The following JAKMIP3 variants were observed in gnomAD, a reference collection of about 807,000 sequenced individuals.
JAKMIP3 encodes the protein janus kinase and microtubule-interacting protein 3.
A neutral mutation model predicts 118.5 loss-of-function variants in JAKMIP3; 58 were observed. The ratio of observed to expected loss-of-function variants is 0.49; its 90% CI spans 0.40 to 0.61. JAKMIP3 has a LOEUF of 0.61. JAKMIP3 is among the 20% of genes least tolerant of loss of function. JAKMIP3 has a pLI of 0.00. For synonymous variants in JAKMIP3, 486 were observed against 451.2 expected (o/e 1.08, Z -0.98); for missense variants, 950 against 1,109.0 (o/e 0.86, Z 2.04).
intron 2 of JAKMIP3, among the ~76,000 whole-genome samples, chr10:132,107,049 ATT>A (rs34703494): frequency 0.13 from 16,460 of 131,578 alleles, 1,068 homozygotes; most frequent in Admixed American, 0.24. Context: ...ATGTCCGGCT[ATT>A]TTTTTTTTTT....
In JAKMIP3 at chr10:132,174,727, C is replaced by T. The variant is rs141701185; in HGVS notation, c.*1103+5694C>T. ...CTGTTCCATTTTGCATTTCCACCGG[C>T]GCTGGGAGGATTTCCGTTGCCCCAC... On this transcript the variant is annotated intron_variant, in intron 23 of 23. Coordinates refer to ENST00000684848, the MANE Select transcript of JAKMIP3 (RefSeq NM_001323087.2). Among the ~76,000 whole-genome samples, 900 of 152,204 alleles carry T rather than the reference C, an allele frequency of 5.9e-3. 6 individuals are homozygous for T. The highest frequency in any genetic ancestry group is 7.8e-3 in the Non-Finnish European group (531 of 68,018).
At chr10:132,120,203 A>G (rs1316126355) in intron 3 of JAKMIP3, among the ~76,000 whole-genome samples, 1 of 152,146 alleles carries the variant, frequency 6.6e-6, no homozygotes, top group Non-Finnish European at 1.5e-5. Flanking sequence ...CATCTCCTTT[A>G]TTTACTGTTT....
Position 132,180,762 on chromosome 10 carries a change from T to TGC in JAKMIP3, c.*1104-1594_*1104-1593insCG, listed in dbSNP as rs1452378177. 3.9e-3 allele frequency among the ~76,000 whole-genome samples: 87 copies of TGC among 22,136 alleles called. 17 individuals are homozygous for TGC. Among genetic ancestry groups the TGC allele is most frequent in the African/African-American group, 0.011 (80 of 7,044 alleles). 14.5% of individuals were successfully genotyped at this position (22,136 alleles called of 152,430 possible). A position where few individuals can be genotyped will look rare whatever the true frequency, so the allele number is the denominator to read the frequency against. On this transcript the variant is annotated intron_variant, in intron 23 of 23. Transcript: ENST00000684848. ...GCGTGCGTGCGCGCGCGTGTGTGCG[T>TGC]GTGTGTGCGTGTGTGTGTGTGCGCG...
Position 132,118,693 on chromosome 10 carries a change from C to T in JAKMIP3, c.633+1119C>T, listed in dbSNP as rs1199307650. On this transcript the variant is annotated intron_variant, in intron 3 of 23. Transcript: ENST00000684848. The surrounding 1 kb of genome is among the most constrained non-coding windows in gnomAD (Gnocchi z 4.8). ...TGGGTGCCCCCAAACGTGCCTAACCCGGGTGATTCCCTTCCTTTCCAAAGT... is the reference window on the plus strand; with the variant it reads ...TGGGTGCCCCCAAACGTGCCTAACCTGGGTGATTCCCTTCCTTTCCAAAGT... 6.6e-6 allele frequency among the ~76,000 whole-genome samples: 1 copy of T among 152,218 alleles called. No homozygotes were observed. The highest frequency in any genetic ancestry group is 1.5e-5 in the Non-Finnish European group (1 of 68,046).
At chr10:132,064,652 C>T (rs567873754), upstream of JAKMIP3, among the ~76,000 whole-genome samples, 1 of 152,292 alleles carries the variant, frequency 6.6e-6, no homozygotes, top group South Asian at 2.1e-4. This position sits in a 1 kb window ranked among gnomAD's most constrained non-coding sequence, Gnocchi z 4.4. Context: ...CTCCGTCACA[C>T]GAGTCAGGAC....
intron 23 of JAKMIP3, chr10:132,181,653 G>A (rs1008726620): frequency 5.3e-5 from 8 of 152,236 alleles, no homozygotes; most frequent in African/African-American, 1.9e-4. Context: ...ACATGTATGT[G>A]TCATTTGACT....
chr10:132,052,311 C>A (rs981930393), intron 1 of JAKMIP3, among the ~76,000 whole-genome samples: 1 of 152,196 alleles, frequency 6.6e-6, no homozygotes, highest in East Asian at 1.9e-4. Flanking sequence ...TAAATGTCTT[C>A]GTTTGACCTT....
chr10:132,152,604 CAG>C (rs1300101011), intron 16 of JAKMIP3, among the ~76,000 whole-genome samples: 1 of 152,190 alleles, frequency 6.6e-6, no homozygotes. Flanking sequence ...GCTTTAAACA[CAG>C]AAGGGGACAG....
At chr10:132,039,825 C>CA (rs1171728306) in intron 1 of JAKMIP3, among the ~76,000 whole-genome samples, 1 of 152,270 alleles carries the variant, frequency 6.6e-6, no homozygotes, top group Non-Finnish European at 1.5e-5. Flanking sequence ...GGGTTGCCCC[C>CA]ACCTCCACGC....
At chr10:132,167,815 CCCCTCGG>C (rs1215556021) in intron 22 of JAKMIP3, 131 bp from the exon 23 acceptor site, 9 of 355,070 alleles carry the variant, frequency 2.5e-5, no homozygotes, top group Non-Finnish European at 4.1e-5. Context: ...TCACCCCTCA[CCCCTCGG>C]CCCTCACCCC....
chr10:132,170,773 G>A (rs2136814673), intron 23 of JAKMIP3, among the ~76,000 whole-genome samples: 1 of 152,326 alleles, frequency 6.6e-6, no homozygotes, highest in South Asian at 2.1e-4. Context: ...GGTGGGCGCC[G>A]CTCCGCTCGG....
intron 19 of JAKMIP3, among the ~76,000 whole-genome samples, chr10:132,159,456 TG>T (rs1190730710): frequency 3.3e-5 from 1 of 30,448 alleles, no homozygotes; most frequent in East Asian, 1.2e-3. Flanking sequence ...TGATGCTGGG[TG>T]GGGGGGCTCT....
intron 1 of JAKMIP3, among the ~76,000 whole-genome samples, chr10:132,045,222 G>A (rs984229244): frequency 1.3e-5 from 2 of 152,118 alleles, no homozygotes; most frequent in African/African-American, 4.8e-5. Context: ...CATCCTCACG[G>A]GTGAGCAGGT....
rs534187678 is a variant in JAKMIP3, at chr10:132,131,836, T to C, written c.634-1476T>C. Among the ~76,000 whole-genome samples, 24 of 152,234 alleles carry C rather than the reference T, an allele frequency of 1.6e-4. No individual in the cohort carries two copies. In the South Asian group the frequency reaches 4.3e-3, roughly 28 times the overall value. On this transcript the variant is annotated intron_variant, in intron 3 of 23. Transcript: ENST00000684848. ...GTGCAGGTGGGACAGGAGACAGGTG[T>C]GCCGCCCCCCACCCACAGCCCCATG...
intron 16 of JAKMIP3, among the ~76,000 whole-genome samples, chr10:132,152,117 A>T (rs1385940620): frequency 6.6e-6 from 1 of 152,240 alleles, no homozygotes; most frequent in Non-Finnish European, 1.5e-5. Context: ...GGCCCCAGCC[A>T]TGCAGGATGA....
rs933398038 is a variant in JAKMIP3 at position 132,112,936 on chromosome 10, T to C, written c.136-4141T>C. Among the ~76,000 whole-genome samples, 1 of 152,094 alleles carries C rather than the reference T, an allele frequency of 6.6e-6. No homozygotes were observed. The highest frequency in any genetic ancestry group is 1.5e-5 in the Non-Finnish European group (1 of 68,006). On this transcript the variant is annotated intron_variant, in intron 2 of 23. Transcript: ENST00000684848. The surrounding 1 kb of genome is among the most constrained non-coding windows in gnomAD (Gnocchi z 4.3). ...TTCTTTCCTACTCCTTAGAAAAAAA[T>C]AGACAGTTCTCATCAGAGAGCATGC... is the stretch of plus-strand genomic sequence containing the variant.
At chr10:132,052,785 T>G (rs2038136283) in intron 1 of JAKMIP3, among the ~76,000 whole-genome samples, 2 of 152,236 alleles carry the variant, frequency 1.3e-5, no homozygotes. Flanking sequence ...GAAGTTATTT[T>G]CAAGCTTGTA....
intron 11 of JAKMIP3, chr10:132,144,838 A>G: frequency 2.7e-6 from 1 of 369,660 alleles, no homozygotes; most frequent in Non-Finnish European, 5.0e-6. Flanking sequence ...GTGAGGTGGG[A>G]GGATCACTTG....
chr10:132,117,674 G>A lies in JAKMIP3; in HGVS notation c.633+100G>A. 1 of 1,223,448 alleles carries A rather than the reference G, an allele frequency of 8.2e-7. No homozygotes were observed. Among genetic ancestry groups the A allele is most frequent in the Non-Finnish European group, 1.0e-6 (1 of 956,938 alleles). 75.8% of individuals were successfully genotyped at this position (1,223,448 alleles called of 1,614,324 possible). The stretch of plus-strand genomic sequence containing the variant: ...GGGCGAGGGTGCAGGCGTGGGCTCG[G>A]GGAGCACGCGGGCAGCACCGGCTTC... On this transcript the variant is annotated intron_variant, in intron 3 of 23. Coordinates refer to ENST00000684848, the MANE Select transcript of JAKMIP3 (RefSeq NM_001323087.2). This position sits in a 1 kb window ranked among gnomAD's most constrained non-coding sequence, Gnocchi z 8.6.
Sources: gnomAD v4.1 joint callset for allele counts (sites outside exome capture counted in the v4.1 genomes callset) on GRCh38, gnomAD v4.1.1 for gene constraint, Gnocchi (gnomAD v3.1) non-coding constraint, MANE v1.5 for transcripts, NCBI Gene and HGNC (gene_info 2026-07-23, HGNC 2026-07-21) for gene names.